SMAD6: variants seen among roughly 807,000 people sequenced by gnomAD.
SMAD6 encodes the protein SMAD family member 6.
SMAD6 carries 103 observed loss-of-function variants against 39.4 expected under a neutral mutation model. The ratio of observed to expected loss-of-function variants is 2.62; its 90% confidence interval spans 2.23 to 3.08. SMAD6 has a LOEUF of 3.08. SMAD6 is among the 30% of genes most tolerant of loss of function. The probability of loss-of-function intolerance (pLI) is 0.00; values close to 1 mark genes in which losing one functional copy is unlikely to be tolerated. For synonymous variants in SMAD6, 445 were observed against 353.3 expected, an observed-to-expected ratio of 1.26 and a Z score of -2.91; for missense variants, 1,104 against 742.9, an observed-to-expected ratio of 1.49 and a Z score of -5.65.
intron 3 of SMAD6, among the ~76,000 whole-genome samples, chr15:66,725,289 C>T (rs545793874): frequency 1.3e-5 from 2 of 152,274 alleles, no homozygotes; most frequent in African/African-American, 4.8e-5. Context: ...TTCCCCATGC[C>T]CCCCAGTCAG....
rs1157856038 is a variant in SMAD6 at position 66,723,705 on chromosome 15, CA to C, written c.952+7210del. Among the ~76,000 whole-genome samples the C allele has an allele frequency of 3.3e-5, 5 of 152,012 alleles. No individual in the cohort carries two copies. The South Asian group carries it at 8.3e-4, about 25-fold the overall frequency. Reference sequence around the variant, plus strand: ...AAGTAAGAAACATAAAAATTAAAAACAAAGAAGAATTTATTATAAAAAGGGG... The same window carrying C: ...AAGTAAGAAACATAAAAATTAAAAACAAGAAGAATTTATTATAAAAAGGGG... On this transcript the variant is annotated intron_variant, in intron 3 of 3. Transcript: ENST00000288840.
In SMAD6 at chr15:66,753,299, C is replaced by T. The variant is rs187790019; in HGVS notation, c.953-27698C>T. 4.1e-4 allele frequency among the ~76,000 whole-genome samples: 62 copies of T among 152,264 alleles called. No individual in the cohort carries two copies. The East Asian group carries it at 0.011, about 27-fold the overall frequency. ...TGCCCAGGGAGGGGTGGGGACATCCCAGTGCCCATCCCAGCCTGCCCTCCT... is the reference window on the plus strand; with the variant it reads ...TGCCCAGGGAGGGGTGGGGACATCCTAGTGCCCATCCCAGCCTGCCCTCCT... On this transcript the variant is annotated intron_variant, in intron 3 of 3. Coordinates refer to ENST00000288840, the MANE Select transcript of SMAD6 (RefSeq NM_005585.5).
Position 66,703,163 on chromosome 15 carries a change from G to T in SMAD6, c.-96G>T. 2.2e-6 allele frequency: 2 copies of T among 913,196 alleles called. No homozygotes were observed. The highest frequency in any genetic ancestry group is 3.0e-6 in the Non-Finnish European group (2 of 665,396). The allele number at this position is 913,196 out of a possible 1,614,324, so 56.6% of individuals were successfully genotyped here. On this transcript the variant is annotated 5_prime_UTR_variant, in exon 1 of 4. Coordinates refer to ENST00000288840, the MANE Select transcript of SMAD6 (RefSeq NM_005585.5). ...GCGCTCCGCGGCGGAGCTTCATGTG[G>T]GGCTGCGACCCGCGCAGCCGGCGCC...
chr15:66,711,624 A>T, intron 1 of SMAD6, 44 bp from the exon 2 acceptor site: 1 of 1,482,934 alleles, frequency 6.7e-7, no homozygotes, highest in East Asian at 2.3e-5. Flanking sequence ...CTGAGGTGTG[A>T]GCTCCCCAAC....
At position 66,781,234 on chromosome 15, in the gene SMAD6, C is replaced by A. The variant is rs1182175490; in HGVS notation, c.1190C>A (p.Pro397His). The A allele has an allele frequency of 2.5e-6, 4 of 1,608,676 alleles. No individual in the cohort carries two copies. Among genetic ancestry groups the A allele is most frequent in the Non-Finnish European group, 3.4e-6 (4 of 1,179,638 alleles). ...TTCGGCATCCTGCTCAGCAAGGAGCCCGACGGCGTGTGGGCCTACAACCGC... is the reference window on the plus strand; with the variant it reads ...TTCGGCATCCTGCTCAGCAAGGAGCACGACGGCGTGTGGGCCTACAACCGC... ...IGFGILLSKE[P>H]DGVWAYNRGE... The change falls in exon 4 of 4, where the codon CCC (proline) becomes CAC (histidine). Residue 397 changes from proline to histidine, a missense_variant. By Grantham distance (77) the Pro-to-His change is moderately conservative. Transcript: ENST00000288840.
At chr15:66,711,826 G>A in intron 2 of SMAD6, 102 bp downstream of exon 2, 1 of 956,448 alleles carries the variant, frequency 1.0e-6, no homozygotes, top group Non-Finnish European at 1.7e-6. Context: ...CTGGAGGGCT[G>A]GAGGGGAGGG....
rs2140681056 is a variant in SMAD6, at chr15:66,781,028, G to A, written c.984G>A (p.Pro328=). 1.9e-6 allele frequency: 3 copies of A among 1,594,288 alleles called. No individual in the cohort carries two copies. Among genetic ancestry groups the A allele is most frequent in the Non-Finnish European group, 2.6e-6 (3 of 1,175,044 alleles). Residue 328 remains proline, a synonymous_variant, in exon 4 of 4, where the codon CCG becomes CCA. Coordinates refer to ENST00000288840, the MANE Select transcript of SMAD6 (RefSeq NM_005585.5). ...GCATGTCTCCGGACGCCACCAAGCC[G>A]AGCCACTGGTGCAGCGTGGCGTACT... ...DASMSPDATK[P]SHWCSVAYWE... is the part of the protein sequence containing the mutation.
intron 3 of SMAD6, among the ~76,000 whole-genome samples, chr15:66,731,365 G>C (rs976802998): frequency 6.7e-6 from 1 of 149,924 alleles, no homozygotes; most frequent in Non-Finnish European, 1.5e-5. Context: ...GTGAACCCGG[G>C]AGGCGGAGCT....
rs958656392 is a variant in SMAD6 at position 66,703,955 on chromosome 15, C to T, written c.697C>T (p.Pro233Ser). The change falls in exon 1 of 4, where the codon CCC becomes TCC. Residue 233 changes from proline to serine, a missense_variant. Transcript: ENST00000288840. ...QLLLGRLFRW[P>S]DLQHAVELKP... ...GCTGCTCGGCCGCCTCTTTCGCTGG[C>T]CCGACCTGCAGCACGCCGTGGAGCT... 1.4e-6 allele frequency: 2 copies of T among 1,427,018 alleles called. No homozygotes were observed. Among genetic ancestry groups the T allele is most frequent in the Non-Finnish European group, 1.8e-6 (2 of 1,089,928 alleles). 88.4% of individuals were successfully genotyped at this position (1,427,018 alleles called of 1,614,324 possible). A position where few individuals can be genotyped will look rare whatever the true frequency, so the allele number is the denominator to read the frequency against.
intron 3 of SMAD6, among the ~76,000 whole-genome samples, chr15:66,774,145 C>G (rs981361311): frequency 6.6e-6 from 1 of 152,184 alleles, no homozygotes; most frequent in Non-Finnish European, 1.5e-5. Flanking sequence ...GAGTCCAAGG[C>G]AGTCTGGCCA....
chr15:66,756,030 TA>T (rs71455530), intron 3 of SMAD6, among the ~76,000 whole-genome samples: 3,699 of 145,566 alleles, frequency 0.025, 160 homozygotes, highest in East Asian at 0.18. Flanking sequence ...TCATTTTGGT[TA>T]AAAAAAAAAA....
In SMAD6 at chr15:66,746,046, G is replaced by A. The variant is rs1219046230; in HGVS notation, c.952+29548G>A. 1.6e-4 allele frequency among the ~76,000 whole-genome samples: 24 copies of A among 152,276 alleles called. No homozygotes were observed. In the East Asian group the frequency reaches 4.6e-3, roughly 29 times the overall value. On this transcript the variant is annotated intron_variant, in intron 3 of 3. Coordinates refer to ENST00000288840, the MANE Select transcript of SMAD6 (RefSeq NM_005585.5). ...CGCTGGTGGGCCCGGATAAGAGGCC[G>A]AGGCTCCCCAAGCATCAGCCAGAGG...
intron 3 of SMAD6, among the ~76,000 whole-genome samples, chr15:66,776,875 C>T (rs1434961919): frequency 1.3e-5 from 2 of 152,084 alleles, no homozygotes; most frequent in Non-Finnish European, 2.9e-5. Flanking sequence ...AGTTTGAGAC[C>T]ACCCTGGGTA....
chr15:66,781,284 T>C lies in SMAD6; in HGVS notation c.1240T>C (p.Ser414Pro), dbSNP rs771549277. 6.2e-7 allele frequency: 1 copy of C among 1,605,004 alleles called. No homozygotes were observed. The highest frequency in any genetic ancestry group is 8.5e-7 in the Non-Finnish European group (1 of 1,177,414). ...NRGEHPIFVN[S>P]PTLDAPGGRA... Reference sequence around the variant, plus strand: ...CGGCGAGCACCCCATCTTCGTCAACTCCCCGACGCTGGACGCGCCCGGCGG... The same window carrying C: ...CGGCGAGCACCCCATCTTCGTCAACCCCCCGACGCTGGACGCGCCCGGCGG... Residue 414 changes from serine to proline, a missense_variant, in exon 4 of 4, where the codon TCC becomes CCC. Physicochemically the swap from Ser to Pro is moderately conservative, Grantham distance 74. Coordinates refer to ENST00000288840, the MANE Select transcript of SMAD6 (RefSeq NM_005585.5).
chr15:66,773,187 G>C (rs1313950210), intron 3 of SMAD6, among the ~76,000 whole-genome samples: 1 of 128,104 alleles, frequency 7.8e-6, no homozygotes, highest in Non-Finnish European at 1.6e-5. Flanking sequence ...TCCTCTAGGA[G>C]CCAAAGGTGC....
chr15:66,752,059 T>TC (rs1491234918), intron 3 of SMAD6, among the ~76,000 whole-genome samples: 3 of 117,846 alleles, frequency 2.5e-5, no homozygotes, highest in African/African-American at 8.9e-5. Context: ...TTTTTTTTTT[T>TC]CAGGCAGTTA....
chr15:66,707,568 C>T (rs1448765897), intron 1 of SMAD6: 4 of 152,300 alleles, frequency 2.6e-5, no homozygotes, highest in African/African-American at 9.6e-5. Flanking sequence ...CTCCTAGCTC[C>T]TCCTGGAGGT....
chr15:66,718,116 G>GTGTGTGTGTGTA (rs2140607801), intron 3 of SMAD6, among the ~76,000 whole-genome samples: 1 of 104,242 alleles, frequency 9.6e-6, no homozygotes, highest in East Asian at 2.6e-4. Flanking sequence ...AAGTCCGTGT[G>GTGTGTGTGTGTA]TGTGTGTGTG....
chr15:66,711,407 A>T (rs1595762840), intron 1 of SMAD6, among the ~76,000 whole-genome samples: 1 of 152,220 alleles, frequency 6.6e-6, no homozygotes, highest in Non-Finnish European at 1.5e-5. Flanking sequence ...GAGCTGAGGA[A>T]ACAGGCTCAG....
Sources: allele counts gnomAD v4.1 joint callset (sites outside exome capture counted in the v4.1 genomes callset), GRCh38; gene constraint gnomAD v4.1.1; transcripts MANE v1.5; gene names NCBI Gene and HGNC (gene_info 2026-07-23, HGNC 2026-07-21).